GPC5: variants seen among roughly 807,000 people sequenced by gnomAD.
GPC5 encodes the protein glypican 5.
A neutral mutation model predicts 53.9 loss-of-function variants in GPC5; 47 were observed. That is an observed-to-expected ratio of 0.87 (90% CI 0.69 to 1.11). GPC5 has a LOEUF of 1.11. Ranked by LOEUF, GPC5 falls within the 50% of genes most tolerant of loss-of-function variation. The pLI is 0.00. For synonymous variants in GPC5, 286 were observed against 263.3 expected, an observed-to-expected ratio of 1.09 and a Z score of -0.84; for missense variants, 748 against 713.1, an observed-to-expected ratio of 1.05 and a Z score of -0.56.
intron 7 of GPC5, among the ~76,000 whole-genome samples, chr13:92,847,652 A>G (rs997197764): frequency 1.3e-5 from 2 of 151,726 alleles, no homozygotes; most frequent in Non-Finnish European, 2.9e-5. Context: ...TAAATTACCC[A>G]GTCTCAGGTA....
chr13:92,009,626 G>T (rs1478712946), intron 6 of GPC5, among the ~76,000 whole-genome samples: 3 of 152,104 alleles, frequency 2.0e-5, no homozygotes, highest in African/African-American at 2.4e-5. Context: ...ATTTCTAGGG[G>T]TTTTTCTCCT....
intron 7 of GPC5, among the ~76,000 whole-genome samples, chr13:92,531,731 A>G (rs776541300): frequency 6.6e-6 from 1 of 152,160 alleles, no homozygotes; most frequent in Non-Finnish European, 1.5e-5. Context: ...CTGATATTCT[A>G]TGCGTACTGA....
chr13:91,660,029 G>T (rs997374751), intron 2 of GPC5, among the ~76,000 whole-genome samples: 2 of 152,186 alleles, frequency 1.3e-5, no homozygotes, highest in Admixed American at 1.3e-4. Context: ...AAGGCTTCAG[G>T]TTGTTAGAGG....
intron 5 of GPC5, among the ~76,000 whole-genome samples, chr13:91,864,330 T>C (rs1302542566): frequency 6.6e-6 from 1 of 152,204 alleles, no homozygotes; most frequent in Non-Finnish European, 1.5e-5. Context: ...TTTACTTAGG[T>C]AAGCTCAAGG....
At chr13:92,622,127 C>T (rs1185176405) in intron 7 of GPC5, among the ~76,000 whole-genome samples, 1 of 152,112 alleles carries the variant, frequency 6.6e-6, no homozygotes, top group East Asian at 1.9e-4. Flanking sequence ...CTGGTTCTGT[C>T]TAGCACCATC....
chr13:91,435,670 A>C (rs1049489452), intron 1 of GPC5, among the ~76,000 whole-genome samples: 1 of 152,304 alleles, frequency 6.6e-6, no homozygotes, highest in South Asian at 2.1e-4. Flanking sequence ...TGTCTCTGCC[A>C]AGCTTTGGTA....
At chr13:92,672,296 T>G (rs1481755739) in intron 7 of GPC5, among the ~76,000 whole-genome samples, 2 of 152,168 alleles carry the variant, frequency 1.3e-5, no homozygotes, top group African/African-American at 4.8e-5. Context: ...TGTCTGTTCA[T>G]GATAATTAGA....
chr13:91,611,869 G>A lies in GPC5; in HGVS notation c.326-81318G>A, dbSNP rs9589306. On this transcript the variant is annotated intron_variant, in intron 2 of 7. Coordinates refer to ENST00000377067, the MANE Select transcript of GPC5 (RefSeq NM_004466.6). ...TTCCTTCCTGATGAGACATACACCT[G>A]AACACTGCTGGGCCTCTGTGTTGTT... Among the ~76,000 whole-genome samples the A allele has an allele frequency of 9.1e-3, 1,386 of 152,230 alleles. 19 individuals carry two copies. The highest frequency in any genetic ancestry group is 0.032 in the African/African-American group (1,328 of 41,538).
At chr13:92,202,229 A>G (rs1389092529) in intron 7 of GPC5, among the ~76,000 whole-genome samples, 1 of 152,228 alleles carries the variant, frequency 6.6e-6, no homozygotes, top group African/African-American at 2.4e-5. Flanking sequence ...TAATATTTTT[A>G]CTTTCAGTTC....
chr13:92,860,023 T>C (rs1378047937), intron 7 of GPC5, among the ~76,000 whole-genome samples: 1 of 152,152 alleles, frequency 6.6e-6, no homozygotes, highest in Non-Finnish European at 1.5e-5. Context: ...ATTTATCTGA[T>C]ACAGTGACAA....
At chr13:92,151,289 T>C (rs2041905789) in intron 7 of GPC5, among the ~76,000 whole-genome samples, 2 of 152,102 alleles carry the variant, frequency 1.3e-5, no homozygotes, top group Admixed American at 6.6e-5. Flanking sequence ...GCTTACAAAG[T>C]AGAGTATAAT....
chr13:91,572,077 A>C (rs556586668), intron 2 of GPC5, among the ~76,000 whole-genome samples: 1 of 143,080 alleles, frequency 7.0e-6, no homozygotes, highest in Non-Finnish European at 1.5e-5. Flanking sequence ...ATATACACAC[A>C]TATGTATATG....
chr13:92,545,903 G>T (rs957532995), intron 7 of GPC5, among the ~76,000 whole-genome samples: 1 of 152,108 alleles, frequency 6.6e-6, no homozygotes, highest in South Asian at 2.1e-4. Flanking sequence ...TTCTTTTGCT[G>T]TGCAGAAGCT....
intron 5 of GPC5, among the ~76,000 whole-genome samples, chr13:91,785,612 A>C (rs1337235251): frequency 2.6e-5 from 4 of 152,244 alleles, no homozygotes; most frequent in African/African-American, 4.8e-5. Flanking sequence ...CTGAAACTTC[A>C]GATGTTCAAA....
intron 5 of GPC5, among the ~76,000 whole-genome samples, chr13:91,828,844 A>G (rs1162603078): frequency 1.3e-5 from 2 of 152,040 alleles, no homozygotes; most frequent in Non-Finnish European, 2.9e-5. Context: ...TGCAATAAAC[A>G]AAAAAATGTA....
intron 7 of GPC5, among the ~76,000 whole-genome samples, chr13:92,601,554 CAAAAAAAAAAAAAA>C (rs57333686): frequency 3.0e-5 from 2 of 67,402 alleles, no homozygotes; most frequent in Non-Finnish European, 6.5e-5. Context: ...GACTCCATCT[CAAAAAAAAAAAAAA>C]AAAAAAAAAG....
chr13:91,844,828 C>A (rs767344795), intron 5 of GPC5, among the ~76,000 whole-genome samples: 1 of 151,984 alleles, frequency 6.6e-6, no homozygotes, highest in South Asian at 2.1e-4. Flanking sequence ...CAGGTTCAAG[C>A]GATTCTCCTT....
intron 5 of GPC5, among the ~76,000 whole-genome samples, chr13:91,812,283 G>GC (rs2038324735): frequency 6.6e-6 from 1 of 152,086 alleles, no homozygotes. Flanking sequence ...GTTAAGTTGT[G>GC]CCCCTCTATA....
At chr13:92,550,168 T>G (rs1185181085) in intron 7 of GPC5, among the ~76,000 whole-genome samples, 1 of 151,930 alleles carries the variant, frequency 6.6e-6, no homozygotes, top group African/African-American at 2.4e-5. Context: ...TAGATGTATA[T>G]TTATGTATTA....
Sources: gnomAD v4.1 joint callset for allele counts (sites outside exome capture counted in the v4.1 genomes callset) on GRCh38, gnomAD v4.1.1 for gene constraint, MANE v1.5 for transcripts, NCBI Gene and HGNC (gene_info 2026-07-23, HGNC 2026-07-21) for gene names.